IL1RAPL2: variants seen among roughly 807,000 people sequenced by gnomAD.
The protein encoded by IL1RAPL2 is interleukin 1 receptor accessory protein like 2.
In IL1RAPL2, 3 loss-of-function variants were observed where a neutral mutation model predicts 44.1. The ratio of observed to expected loss-of-function variants is 0.07; its 90% CI spans 0.03 to 0.18. IL1RAPL2 has a LOEUF of 0.18. IL1RAPL2 is among the 10% of genes least tolerant of loss of function. The pLI is 1.00. For missense variants in IL1RAPL2, 391 were observed against 496.4 expected (o/e 0.79, Z 2.02); for synonymous variants, 181 against 178.8 (o/e 1.01, Z -0.10).
At chrX:104,675,908 A>T (rs1444038701) in intron 2 of IL1RAPL2, among the ~76,000 whole-genome samples, 5 of 105,945 alleles carry the variant, frequency 4.7e-5, no homozygotes, top group African/African-American at 1.7e-4. Context: ...TTTATCAGAG[A>T]CTAGGATTGC....
chrX:105,743,788 C>G (rs2038518804), intron 8 of IL1RAPL2, among the ~76,000 whole-genome samples: 1 of 111,962 alleles, frequency 8.9e-6, no homozygotes, highest in African/African-American at 3.2e-5. Context: ...TCATAGAGGA[C>G]AAGCACAATC....
At position 104,853,902 on chromosome X, in the gene IL1RAPL2, C is replaced by CA. The variant is rs11364619; in HGVS notation, c.82+194928dup. 2.7e-3 allele frequency among the ~76,000 whole-genome samples: 120 copies of CA among 43,652 alleles called. 1 individual carries two copies. Among genetic ancestry groups the CA allele is most frequent in the Non-Finnish European group, 3.2e-3 (76 of 24,026 alleles). 37.9% of individuals were successfully genotyped at this position (43,652 alleles called of 115,157 possible). A position where few individuals can be genotyped will look rare whatever the true frequency, so the allele number is the denominator to read the frequency against. ...TGGGCGACAGAGCGAGACTCCGTCT[C>CA]AAAAAAAAAAAAAAAAAAAAAGAGT... On this transcript the variant is annotated intron_variant, in intron 2 of 10. Transcript: ENST00000372582.
At chrX:104,869,429 A>G (rs1922700290) in intron 2 of IL1RAPL2, among the ~76,000 whole-genome samples, 1 of 111,733 alleles carries the variant, frequency 8.9e-6, no homozygotes, top group South Asian at 3.7e-4. Flanking sequence ...TTCCTGTCTT[A>G]ATATATATTT....
chrX:104,912,168 T>C (rs1337284594), intron 2 of IL1RAPL2, among the ~76,000 whole-genome samples: 2 of 107,049 alleles, frequency 1.9e-5, no homozygotes, highest in Admixed American at 2.0e-4. Flanking sequence ...CTTTGTTTTG[T>C]TTTGTTTTGT....
chrX:104,956,461 A>AGTGT lies in IL1RAPL2; in HGVS notation c.83-238983_83-238980dup, dbSNP rs59541869. 7.6e-4 allele frequency among the ~76,000 whole-genome samples: 64 copies of AGTGT among 84,080 alleles called. 1 individual carries two copies. The highest frequency in any genetic ancestry group is 1.1e-3 in the Non-Finnish European group (51 of 44,781). The allele number at this position is 84,080 out of a possible 115,157, so 73.0% of individuals were successfully genotyped here. A position where few individuals can be genotyped will look rare whatever the true frequency, so the allele number is the denominator to read the frequency against. ...ACATGGCAAAACCCTGTCTCTACTA[A>AGTGT]GTGTGTGTGTGTGTGTGTGTGTGTG... On this transcript the variant is annotated intron_variant, in intron 2 of 10. Coordinates refer to ENST00000372582, the MANE Select transcript of IL1RAPL2 (RefSeq NM_017416.2).
At chrX:105,328,935 A>C (rs770947378) in intron 5 of IL1RAPL2, among the ~76,000 whole-genome samples, 1 of 112,357 alleles carries the variant, frequency 8.9e-6, no homozygotes, top group South Asian at 3.7e-4. Context: ...TGTTGTTTAC[A>C]CAATGACAGA....
intron 5 of IL1RAPL2, among the ~76,000 whole-genome samples, chrX:105,472,327 A>T (rs2036170694): frequency 9.0e-6 from 1 of 111,720 alleles, no homozygotes; most frequent in Non-Finnish European, 1.9e-5. Flanking sequence ...ATCAGAGAAA[A>T]TGGGGCCATC....
At chrX:104,679,291 T>G in intron 2 of IL1RAPL2, among the ~76,000 whole-genome samples, 1 of 111,767 alleles carries the variant, frequency 8.9e-6, no homozygotes, top group Middle Eastern at 4.6e-3. Flanking sequence ...CTGGTGAATG[T>G]CATGACCAGG....
Position 105,606,649 on chromosome X carries a change from C to T in IL1RAPL2, c.773-110718C>T, listed in dbSNP as rs59974070. ...CACAATAACCAAGATATTGCATCAA[C>T]GTTAAGTGTCCAACAACATATGAAT... On this transcript the variant is annotated intron_variant, in intron 6 of 10. Transcript: ENST00000372582. 2.9e-3 allele frequency among the ~76,000 whole-genome samples: 322 copies of T among 111,688 alleles called. 4 individuals carry two copies. The East Asian group carries it at 0.05, about 17-fold the overall frequency.
intron 1 of IL1RAPL2, among the ~76,000 whole-genome samples, chrX:104,577,695 A>G (rs1419256889): frequency 9.0e-6 from 1 of 110,987 alleles, no homozygotes; most frequent in Non-Finnish European, 1.9e-5. Context: ...TATGAGGAGG[A>G]CACAAGAGCA....
intron 2 of IL1RAPL2, among the ~76,000 whole-genome samples, chrX:105,122,320 A>G (rs1189709341): frequency 8.9e-6 from 1 of 111,979 alleles, no homozygotes; most frequent in Non-Finnish European, 1.9e-5. Flanking sequence ...AGGGAATTTT[A>G]AATGTCTCCT....
intron 1 of IL1RAPL2, among the ~76,000 whole-genome samples, chrX:104,608,304 C>G (rs930150762): frequency 9.0e-6 from 1 of 110,723 alleles, no homozygotes; most frequent in African/African-American, 3.3e-5. Flanking sequence ...TTGCAGCAAA[C>G]CACCATGGCA....
At chrX:105,318,865 A>G (rs745835677) in intron 5 of IL1RAPL2, among the ~76,000 whole-genome samples, 107 of 112,508 alleles carry the variant, frequency 9.5e-4, no homozygotes, top group Middle Eastern at 4.6e-3. Context: ...GAGAAATGTG[A>G]CAATACAGGT....
chrX:104,865,206 G>A (rs1251075505), intron 2 of IL1RAPL2, among the ~76,000 whole-genome samples: 3 of 111,639 alleles, frequency 2.7e-5, no homozygotes, highest in Non-Finnish European at 3.8e-5. Flanking sequence ...GCAGAGGTTA[G>A]TGCCACCAAC....
chrX:105,144,818 T>C (rs2033164627), intron 2 of IL1RAPL2, among the ~76,000 whole-genome samples: 1 of 111,481 alleles, frequency 9.0e-6, no homozygotes, highest in Non-Finnish European at 1.9e-5. Context: ...TGAATGAATG[T>C]TTTTTGTACA....
chrX:105,498,081 A>T (rs889034554), intron 6 of IL1RAPL2, among the ~76,000 whole-genome samples: 1 of 112,151 alleles, frequency 8.9e-6, no homozygotes, highest in Non-Finnish European at 1.9e-5. Context: ...AAAGAAAAAA[A>T]GGCATTCAAA....
intron 6 of IL1RAPL2, among the ~76,000 whole-genome samples, chrX:105,700,950 C>A (rs2147538772): frequency 9.0e-6 from 1 of 110,790 alleles, no homozygotes; most frequent in South Asian, 3.9e-4. Context: ...TTCAGGTTTA[C>A]CACCCATAAC....
At chrX:105,152,431 GT>G (rs1806134287) in intron 2 of IL1RAPL2, among the ~76,000 whole-genome samples, 1 of 111,809 alleles carries the variant, frequency 8.9e-6, no homozygotes, top group African/African-American at 3.3e-5. Flanking sequence ...TTCCTTTGTT[GT>G]TTGGTAAATT....
chrX:104,876,878 G>T (rs916051293), intron 2 of IL1RAPL2, among the ~76,000 whole-genome samples: 13 of 107,990 alleles, frequency 1.2e-4, no homozygotes, highest in Non-Finnish European at 2.3e-4. Flanking sequence ...ATCCCTCCCC[G>T]CTCCGCCCAC....
Sources: allele counts gnomAD v4.1 joint callset (sites outside exome capture counted in the v4.1 genomes callset), GRCh38; gene constraint gnomAD v4.1.1; transcripts MANE v1.5; gene names NCBI Gene and HGNC (gene_info 2026-07-23, HGNC 2026-07-21).